The following CACNA1C variants were observed in gnomAD, a reference collection of about 807,000 sequenced individuals.
CACNA1C encodes the protein voltage-dependent L-type calcium channel subunit alpha-1C.
Under a neutral mutation model 229.0 loss-of-function variants are expected in CACNA1C, and 30 were observed. That is an observed-to-expected ratio of 0.13 (90% CI 0.10 to 0.18). The LOEUF (loss-of-function observed/expected upper bound fraction) is 0.18. Ranked by LOEUF, CACNA1C falls within the 10% of genes least tolerant of loss-of-function variation. The pLI, the probability that CACNA1C is intolerant of heterozygous loss-of-function variation, is 1.00. For synonymous variants in CACNA1C, 1,114 were observed against 1,132.5 expected (o/e 0.98, Z 0.33); for missense variants, 1,658 against 2,845.0 (o/e 0.58, Z 9.49).
At chr12:2,327,699 T>C (rs3819533) in intron 3 of CACNA1C, among the ~76,000 whole-genome samples, 86,633 of 151,676 alleles carry the variant, frequency 0.57, 25,012 homozygotes, top group Non-Finnish European at 0.61. Context: ...ATGGATGGAG[T>C]TGAGGGTTGA....
intron 9 of CACNA1C, among the ~76,000 whole-genome samples, chr12:2,529,274 C>T (rs1283721415): frequency 2.0e-5 from 3 of 152,200 alleles, no homozygotes; most frequent in South Asian, 2.1e-4. Flanking sequence ...GGGTCTTACC[C>T]GCTCCTTCAT....
At position 2,065,582 on chromosome 12, in the gene CACNA1C, T is replaced by C. The variant is rs117821007; in HGVS notation, c.49+11971T>C. Among the ~76,000 whole-genome samples the C allele has an allele frequency of 1.0e-2, 1,520 of 152,294 alleles. 16 individuals carry two copies. The highest frequency in any genetic ancestry group is 0.043 in the South Asian group (209 of 4,830). The stretch of plus-strand genomic sequence containing the variant: ...TATCTATTCTAGGAGGTAAGATTTA[T>C]GCCTAGACACACAGACATCCGCAAC... On this transcript the variant is annotated intron_variant, in intron 1 of 46. Coordinates refer to ENST00000399655, the MANE Select transcript of CACNA1C (RefSeq NM_000719.7).
intron 3 of CACNA1C, among the ~76,000 whole-genome samples, chr12:2,339,275 A>G (rs2096790746): frequency 6.6e-6 from 1 of 152,280 alleles, no homozygotes; most frequent in Non-Finnish European, 1.5e-5. Flanking sequence ...TACAAAGTAC[A>G]GTATAAAAGA....
chr12:2,523,154 C>T (rs1469382274), intron 9 of CACNA1C, among the ~76,000 whole-genome samples: 68 of 147,650 alleles, frequency 4.6e-4, no homozygotes, highest in African/African-American at 1.7e-3. Flanking sequence ...AGGGCGGGGG[C>T]GGTGGTGCTG....
chr12:2,672,570 G>A (rs2096613058), intron 38 of CACNA1C, among the ~76,000 whole-genome samples: 1 of 152,150 alleles, frequency 6.6e-6, no homozygotes, highest in African/African-American at 2.4e-5. Context: ...TGTGGATGAT[G>A]CCTGGTGTGC....
At position 2,273,538 on chromosome 12, in the gene CACNA1C, G is replaced by A. The variant is rs989460883; in HGVS notation, c.477+153108G>A. Among the ~76,000 whole-genome samples the A allele has an allele frequency of 2.6e-5, 4 of 152,266 alleles. 1 individual carries two copies. The highest frequency in any genetic ancestry group is 4.8e-5 in the African/African-American group (2 of 41,556). Reference sequence around the variant, plus strand: ...GCTGCTGGGTTAGGACCAGCAGGACGGCCAGAACCATGGAGACATGCTGCT... The same window carrying A: ...GCTGCTGGGTTAGGACCAGCAGGACAGCCAGAACCATGGAGACATGCTGCT... On this transcript the variant is annotated intron_variant, in intron 3 of 46. Transcript: ENST00000399655.
At chr12:2,297,883 C>A (rs2154467919) in intron 3 of CACNA1C, among the ~76,000 whole-genome samples, 1 of 152,270 alleles carries the variant, frequency 6.6e-6, no homozygotes, top group East Asian at 1.9e-4. Flanking sequence ...AAACCACACA[C>A]ACACACACGT....
chr12:2,066,457 C>G (rs12425941), intron 1 of CACNA1C, among the ~76,000 whole-genome samples: 1 of 151,976 alleles, frequency 6.6e-6, no homozygotes, highest in African/African-American at 2.4e-5. Flanking sequence ...GAGAGCATTT[C>G]CAGGAGGCCG....
chr12:2,647,973 A>C lies in CACNA1C; in HGVS notation c.3913-502A>C, dbSNP rs1259480090. Among the ~76,000 whole-genome samples the C allele has an allele frequency of 6.6e-6, 1 of 151,974 alleles. No homozygotes were observed. The highest frequency in any genetic ancestry group is 2.4e-5 in the African/African-American group (1 of 41,360). The stretch of plus-strand genomic sequence containing the variant: ...TGAGACCCTGTCTCTAAAAAAATTA[A>C]AATAAAAAATTTAAATTAGCCGGGC... On this transcript the variant is annotated intron_variant, in intron 30 of 46. Coordinates refer to ENST00000399655, the MANE Select transcript of CACNA1C (RefSeq NM_000719.7). The surrounding 1 kb of genome is among the most constrained non-coding windows in gnomAD (Gnocchi z 4.2).
Position 2,398,658 on chromosome 12 carries a change from C to T in CACNA1C, c.478-50318C>T, listed in dbSNP as rs558561585. ...GAAATGCTTCTCCAGCATTCCAGGT[C>T]AGAACAGGGTGGCCTACCCCACCCA... On this transcript the variant is annotated intron_variant, in intron 3 of 46. Transcript: ENST00000399655. 9.2e-5 allele frequency among the ~76,000 whole-genome samples: 14 copies of T among 152,286 alleles called. No individual in the cohort carries two copies. In the East Asian group the frequency reaches 2.3e-3, roughly 25 times the overall value.
chr12:2,525,207 C>CG (rs1011597540), intron 9 of CACNA1C, among the ~76,000 whole-genome samples: 6 of 152,012 alleles, frequency 3.9e-5, no homozygotes, highest in African/African-American at 1.2e-4. Context: ...AGTTTACCAT[C>CG]GAAAGGTCAC....
intron 1 of CACNA1C, among the ~76,000 whole-genome samples, chr12:2,057,816 G>GC (rs2055802684): frequency 6.6e-6 from 1 of 152,130 alleles, no homozygotes; most frequent in Non-Finnish European, 1.5e-5. Context: ...TAACCAGAGG[G>GC]CCCGGTGGTG....
intron 8 of CACNA1C, among the ~76,000 whole-genome samples, chr12:2,511,610 A>G (rs1200938129): frequency 6.6e-6 from 1 of 152,076 alleles, no homozygotes; most frequent in East Asian, 1.9e-4. Flanking sequence ...ACATACATGC[A>G]CCACCAAGGG....
At chr12:2,143,458 TTTATAGA>T (rs2094446717) in intron 3 of CACNA1C, among the ~76,000 whole-genome samples, 1 of 150,042 alleles carries the variant, frequency 6.7e-6, no homozygotes, top group South Asian at 2.1e-4. Context: ...TTTTTTGTCT[TTTATAGA>T]TTATTTTTTA....
chr12:2,154,634 A>C (rs1376136191), intron 3 of CACNA1C, among the ~76,000 whole-genome samples: 5 of 152,184 alleles, frequency 3.3e-5, no homozygotes, highest in African/African-American at 9.7e-5. Flanking sequence ...GCTCCAGGGA[A>C]GAAGTCACTG....
chr12:2,500,165 G>A (rs373790218), intron 7 of CACNA1C, among the ~76,000 whole-genome samples: 5 of 152,080 alleles, frequency 3.3e-5, no homozygotes, highest in Admixed American at 2.0e-4. Context: ...TCCCCATCTC[G>A]AACCTCTAAA....
At chr12:1,990,447 T>A (rs1287293758) in intron 1 of CACNA1C, among the ~76,000 whole-genome samples, 1 of 152,260 alleles carries the variant, frequency 6.6e-6, no homozygotes, top group Non-Finnish European at 1.5e-5. Flanking sequence ...ACTCTATTTA[T>A]CAAGCATCTT....
chr12:2,686,276 C>G lies in CACNA1C; in HGVS notation c.5784+7C>G. On this transcript the variant is annotated splice_region_variant and intron_variant, in intron 45 of 46. Coordinates refer to ENST00000399655, the MANE Select transcript of CACNA1C (RefSeq NM_000719.7). ...GCATCTGGTTCATCATCAGGTAGCT[C>G]ACACTTTTGGACAGGCCACTGTCAC... The G allele has an allele frequency of 1.2e-6, 2 of 1,600,156 alleles. No homozygotes were observed. Among genetic ancestry groups the G allele is most frequent in the Non-Finnish European group, 1.7e-6 (2 of 1,168,854 alleles).
At chr12:2,168,420 T>G (rs59203433) in intron 3 of CACNA1C, among the ~76,000 whole-genome samples, 2,317 of 152,304 alleles carry the variant, frequency 0.015, 65 homozygotes, top group African/African-American at 0.054. Context: ...TTAATGACTT[T>G]ACTTGGTCCT....
Sources: allele counts gnomAD v4.1 joint callset (sites outside exome capture counted in the v4.1 genomes callset), GRCh38; gene constraint gnomAD v4.1.1; non-coding constraint Gnocchi (gnomAD v3.1); transcripts MANE v1.5; gene names NCBI Gene and HGNC (gene_info 2026-07-23, HGNC 2026-07-21).